Variants in IRF2BP2 observed in about 807,000 individuals in gnomAD.
The protein encoded by IRF2BP2 is interferon regulatory factor 2 binding protein 2.
In IRF2BP2, 13 loss-of-function variants were observed where a neutral mutation model predicts 32.7. That is an observed-to-expected ratio of 0.40 (90% CI 0.26 to 0.63). The LOEUF is 0.63. Ranked by LOEUF, IRF2BP2 falls within the 30% of genes least tolerant of loss-of-function variation. IRF2BP2 has a pLI of 0.42. For synonymous variants in IRF2BP2, 555 were observed against 384.6 expected, an observed-to-expected ratio of 1.44 and a Z score of -5.18; for missense variants, 980 against 830.6, an observed-to-expected ratio of 1.18 and a Z score of -2.21.
Position 234,605,953 on chromosome 1 carries a change from T to C in IRF2BP2, c.*1184A>G, listed in dbSNP as rs539864398. On this transcript the variant is annotated 3_prime_UTR_variant, in exon 2 of 2. Transcript: ENST00000366609. ...TTTTTTCCAGAACAGTATTATTCAC[T>C]TGGTATTTCAAACACATGTTAAGAA... is the stretch of plus-strand genomic sequence containing the variant. 14 of 152,360 alleles carry C rather than the reference T, an allele frequency of 9.2e-5. No individual in the cohort carries two copies. The highest frequency in any genetic ancestry group is 3.4e-4 in the African/African-American group (14 of 41,588). 9.4% of individuals were successfully genotyped at this position (152,360 alleles called of 1,614,324 possible).
chr1:234,608,334 G>C (rs926157637), intron 1 of IRF2BP2, 113 bp downstream of exon 1: 5 of 852,786 alleles, frequency 5.9e-6, no homozygotes, highest in Non-Finnish European at 8.8e-6. Context: ...TCAGGAAGTG[G>C]GGTGTTTGTT....
In IRF2BP2 at chr1:234,607,044, C is replaced by T. The variant is rs564241160; in HGVS notation, c.*93G>A. On this transcript the variant is annotated 3_prime_UTR_variant, in exon 2 of 2. Coordinates refer to ENST00000366609, the MANE Select transcript of IRF2BP2 (RefSeq NM_182972.3). ...CCATGTTTATGAAGTCTACATTTCC[C>T]TTGTCTTGGATATATATATATATGG... 5 of 918,384 alleles carry T rather than the reference C, an allele frequency of 5.4e-6. No individual in the cohort carries two copies. Among genetic ancestry groups the T allele is most frequent in the South Asian group, 3.6e-5 (2 of 55,542 alleles). 56.9% of individuals were successfully genotyped at this position (918,384 alleles called of 1,614,324 possible). A position where few individuals can be genotyped will look rare whatever the true frequency, so the allele number is the denominator to read the frequency against.
At position 234,608,667 on chromosome 1, in the gene IRF2BP2, C is replaced by A. The variant is rs4636; in HGVS notation, c.828G>T (p.Ala276=). 528,724 of 1,521,876 alleles carry A rather than the reference C, an allele frequency of 0.35. 94,643 individuals carry two copies. The highest frequency in any genetic ancestry group is 0.38 in the Middle Eastern group (1,862 of 4,838). 94.3% of individuals were successfully genotyped at this position (1,521,876 alleles called of 1,614,324 possible). The change falls in exon 1 of 2, where the codon GCG becomes GCT. Residue 276 remains alanine, a synonymous_variant. Coordinates refer to ENST00000366609, the MANE Select transcript of IRF2BP2 (RefSeq NM_182972.3). Reference sequence around the variant, plus strand: ...CCGCGCTCAGCTCGGCGGCCCCGGCCGCGGTGGACAGGCTGTCGGCCGGGC... The same window carrying A: ...CCGCGCTCAGCTCGGCGGCCCCGGCAGCGGTGGACAGGCTGTCGGCCGGGC... The part of the protein sequence containing the change: ...HRGPADSLST[A]AGAAELSAEG...
Position 234,606,478 on chromosome 1 carries a change from A to G in IRF2BP2, c.*659T>C, listed in dbSNP as rs1346198523. On this transcript the variant is annotated 3_prime_UTR_variant, in exon 2 of 2. Transcript: ENST00000366609. ...TGTCTTAAAAAAAAAAAAACAAAAA[A>G]CCCCAAAAGACCACACAATCCTGAA... is the stretch of plus-strand genomic sequence containing the variant. 1 of 151,930 alleles carries G rather than the reference A, an allele frequency of 6.6e-6. No homozygotes were observed. The highest frequency in any genetic ancestry group is 2.4e-5 in the African/African-American group (1 of 41,350). 9.4% of individuals were successfully genotyped at this position (151,930 alleles called of 1,614,324 possible). A position where few individuals can be genotyped will look rare whatever the true frequency, so the allele number is the denominator to read the frequency against.
In IRF2BP2 at chr1:234,607,394, G is replaced by A; in HGVS notation, c.1507C>T (p.Pro503Ser). ...LPDSSLATSAPLCCTLCHERL... is the reference protein window; with the variant it reads ...LPDSSLATSASLCCTLCHERL... Reference sequence around the variant, plus strand: ...TCGTGGCAGAGGGTGCAGCACAGCGGGGCACTGGTTGCCAGAGAGGAGTCC... The same window carrying A: ...TCGTGGCAGAGGGTGCAGCACAGCGAGGCACTGGTTGCCAGAGAGGAGTCC... The change falls in exon 2 of 2, where the codon CCG (proline) becomes TCG (serine). Residue 503 changes from proline (P) to serine (S), a missense_variant. By Grantham distance (74) the Pro-to-Ser change is moderately conservative (BLOSUM62 -1). Transcript: ENST00000366609. The A allele has an allele frequency of 1.9e-6, 3 of 1,614,136 alleles. No individual in the cohort carries two copies. Among genetic ancestry groups the A allele is most frequent in the Non-Finnish European group, 2.5e-6 (3 of 1,179,972 alleles).
Position 234,608,967 on chromosome 1 carries a change from C to A in IRF2BP2, c.528G>T (p.Pro176=). 7.4e-7 allele frequency: 1 copy of A among 1,358,690 alleles called. No homozygotes were observed. Among genetic ancestry groups the A allele is most frequent in the Non-Finnish European group, 9.4e-7 (1 of 1,060,088 alleles). The allele number at this position is 1,358,690 out of a possible 1,614,324, so 84.2% of individuals were successfully genotyped here. A position where few individuals can be genotyped will look rare whatever the true frequency, so the allele number is the denominator to read the frequency against. Residue 176 remains proline, a synonymous_variant, in exon 1 of 2, where the codon CCG becomes CCT. Coordinates refer to ENST00000366609, the MANE Select transcript of IRF2BP2 (RefSeq NM_182972.3). ...GCACCGCGTGGCCGCGCCGCGGGTT[C>A]GGGCTCTGGCGATTCAGCTCGGGCG... The part of the protein sequence containing the change: ...EEPPELNRQS[P]NPRRGHAVPP...
chr1:234,607,273 G>A lies in IRF2BP2; in HGVS notation c.1628C>T (p.Ala543Val), dbSNP rs962331038. The A allele has an allele frequency of 6.2e-7, 1 of 1,614,222 alleles. No individual in the cohort carries two copies. The highest frequency in any genetic ancestry group is 8.5e-7 in the Non-Finnish European group (1 of 1,180,038). ...CSRQSIKQQG[A>V]SGEVYCPSGE... ...ACTGGGACAATAGACCTCTCCACTA[G>A]CTCCCTGCTGTTTGATGCTTTGTCT... Residue 543 changes from alanine to valine, a missense_variant, in exon 2 of 2, where the codon GCT becomes GTT. Ala to Val is a moderately conservative substitution (Grantham distance 64, BLOSUM62 0). Coordinates refer to ENST00000366609, the MANE Select transcript of IRF2BP2 (RefSeq NM_182972.3).
At position 234,608,506 on chromosome 1, in the gene IRF2BP2, G is replaced by A. The variant is rs952524471; in HGVS notation, c.989C>T (p.Ala330Val). The A allele has an allele frequency of 9.3e-6, 15 of 1,609,448 alleles. No homozygotes were observed. The highest frequency in any genetic ancestry group is 2.7e-5 in the African/African-American group (2 of 74,744). ...PFESKFKKEP[A>V]LTAGRLLGFE... ...ACCCAACAACCTGCCTGCAGTCAGG[G>A]CCGGCTCCTTCTTAAACTTGCTCTC... Residue 330 changes from alanine to valine, a missense_variant, in exon 1 of 2, where the codon GCC becomes GTC. Coordinates refer to ENST00000366609, the MANE Select transcript of IRF2BP2 (RefSeq NM_182972.3).
In IRF2BP2 at chr1:234,607,027, A is replaced by AT. The variant is rs1347159595; in HGVS notation, c.*109dup. On this transcript the variant is annotated 3_prime_UTR_variant, in exon 2 of 2. Coordinates refer to ENST00000366609, the MANE Select transcript of IRF2BP2 (RefSeq NM_182972.3). ...AAATCAAAATTATACAGCCATGTTT[A>AT]TGAAGTCTACATTTCCCTTGTCTTG... The AT allele has an allele frequency of 3.6e-6, 3 of 826,740 alleles. No homozygotes were observed. The Admixed American group carries it at 7.1e-5, about 20-fold the overall frequency. The allele number at this position is 826,740 out of a possible 1,614,324, so 51.2% of individuals were successfully genotyped here.
rs1479384884 is a variant in IRF2BP2 at position 234,606,527 on chromosome 1, C to A, written c.*610G>T. ...AAAATTTCCCAGCAGCACTCTCAGT[C>A]ATCAGTATCTCAGGAACTGAACTTT... is the stretch of plus-strand genomic sequence containing the variant. On this transcript the variant is annotated 3_prime_UTR_variant, in exon 2 of 2. Coordinates refer to ENST00000366609, the MANE Select transcript of IRF2BP2 (RefSeq NM_182972.3). 1 of 152,002 alleles carries A rather than the reference C, an allele frequency of 6.6e-6. No individual in the cohort carries two copies. The highest frequency in any genetic ancestry group is 6.5e-5 in the Admixed American group (1 of 15,276). The allele number at this position is 152,002 out of a possible 1,614,324, so 9.4% of individuals were successfully genotyped here. A position where few individuals can be genotyped will look rare whatever the true frequency, so the allele number is the denominator to read the frequency against.
Position 234,609,607 on chromosome 1 carries a change from C to A in IRF2BP2, c.-113G>T. The A allele has an allele frequency of 2.0e-6, 1 of 506,630 alleles. No individual in the cohort carries two copies. Among genetic ancestry groups the A allele is most frequent in the South Asian group, 9.5e-5 (1 of 10,548 alleles). 31.4% of individuals were successfully genotyped at this position (506,630 alleles called of 1,614,324 possible). A position where few individuals can be genotyped will look rare whatever the true frequency, so the allele number is the denominator to read the frequency against. On this transcript the variant is annotated 5_prime_UTR_variant, in exon 1 of 2. Transcript: ENST00000366609. ...CCTCCCCCCCCAACCCCGCGTCTCCCCCACCAGCGGCGGCGGCGGCCGCAA... is the reference window on the plus strand; with the variant it reads ...CCTCCCCCCCCAACCCCGCGTCTCCACCACCAGCGGCGGCGGCGGCCGCAA...
In IRF2BP2 at chr1:234,608,984, G is replaced by A. The variant is rs1375726828; in HGVS notation, c.511C>T (p.Leu171=). 1.3e-5 allele frequency: 18 copies of A among 1,352,938 alleles called. No homozygotes were observed. Among genetic ancestry groups the A allele is most frequent in the Non-Finnish European group, 1.6e-5 (17 of 1,057,484 alleles). 83.8% of individuals were successfully genotyped at this position (1,352,938 alleles called of 1,614,324 possible). Residue 171 remains leucine (L), a synonymous_variant, in exon 1 of 2, where the codon CTG becomes TTG. Transcript: ENST00000366609. ...CGCGGGTTCGGGCTCTGGCGATTCA[G>A]CTCGGGCGGCTCCTCTAGCTTGGAG... The part of the protein sequence containing the change: ...GFSKLEEPPE[L]NRQSPNPRRG...
chr1:234,606,377 T>C lies in IRF2BP2; in HGVS notation c.*760A>G, dbSNP rs1004711808. ...TAACCGCCTTCCATCACTGGAATTGTATCTTATGTAACCAACTAGCATGCA... is the reference window on the plus strand; with the variant it reads ...TAACCGCCTTCCATCACTGGAATTGCATCTTATGTAACCAACTAGCATGCA... On this transcript the variant is annotated 3_prime_UTR_variant, in exon 2 of 2. Transcript: ENST00000366609. 2 of 152,064 alleles carry C rather than the reference T, an allele frequency of 1.3e-5. No homozygotes were observed. Among genetic ancestry groups the C allele is most frequent in the African/African-American group, 2.4e-5 (1 of 41,390 alleles). The allele number at this position is 152,064 out of a possible 1,614,324, so 9.4% of individuals were successfully genotyped here.
rs766562916 is a variant in IRF2BP2, at chr1:234,606,427, C to A, written c.*710G>T. Reference sequence around the variant, plus strand: ...AGCATTGTAATCTTACAACTGATCACGTGGACAGTGAACAGCGGTCAACTT... The same window carrying A: ...AGCATTGTAATCTTACAACTGATCAAGTGGACAGTGAACAGCGGTCAACTT... On this transcript the variant is annotated 3_prime_UTR_variant, in exon 2 of 2. Coordinates refer to ENST00000366609, the MANE Select transcript of IRF2BP2 (RefSeq NM_182972.3). The A allele has an allele frequency of 4.6e-5, 7 of 151,320 alleles. No homozygotes were observed. The highest frequency in any genetic ancestry group is 6.6e-5 in the Admixed American group (1 of 15,222). The allele number at this position is 151,320 out of a possible 1,614,324, so 9.4% of individuals were successfully genotyped here.
chr1:234,607,264 T>C lies in IRF2BP2; in HGVS notation c.1637A>G (p.Glu546Gly). 6.2e-7 allele frequency: 1 copy of C among 1,614,202 alleles called. No individual in the cohort carries two copies. Among genetic ancestry groups the C allele is most frequent in the Non-Finnish European group, 8.5e-7 (1 of 1,180,036 alleles). Residue 546 changes from glutamate to glycine, a missense_variant, in exon 2 of 2, where the codon GAG (glutamate) becomes GGG (glycine). Transcript: ENST00000366609. The part of the protein sequence containing the change: ...QSIKQQGASG[E>G]VYCPSGEKCP... ...TTTTTCCCCACTGGGACAATAGACC[T>C]CTCCACTAGCTCCCTGCTGTTTGAT...
rs770470592 is a variant in IRF2BP2, at chr1:234,607,735, A to T, written c.1166T>A (p.Ile389Asn). 1 of 1,613,878 alleles carries T rather than the reference A, an allele frequency of 6.2e-7. No individual in the cohort carries two copies. Among genetic ancestry groups the T allele is most frequent in the African/African-American group, 1.3e-5 (1 of 74,864 alleles). Reference protein sequence around the residue: ...WLSTSTEGLKIPMTPTSSFVS... With the variant: ...WLSTSTEGLKNPMTPTSSFVS... ...AAAAGAGGATGTAGGAGTCATGGGG[A>T]TCTTGAGCCCCTCTGTGGATGTGGA... The change falls in exon 2 of 2, where the codon ATC (isoleucine) becomes AAC (asparagine). Residue 389 changes from isoleucine (I) to asparagine (N), a missense_variant. Ile to Asn is a moderately radical substitution (Grantham distance 149, BLOSUM62 -3). Coordinates refer to ENST00000366609, the MANE Select transcript of IRF2BP2 (RefSeq NM_182972.3).
Position 234,607,630 on chromosome 1 carries a change from G to C in IRF2BP2, c.1271C>G (p.Pro424Arg). Residue 424 changes from proline (P) to arginine (R), a missense_variant, in exon 2 of 2, where the codon CCC becomes CGC. Coordinates refer to ENST00000366609, the MANE Select transcript of IRF2BP2 (RefSeq NM_182972.3). The part of the protein sequence containing the change: ...PPEAAQNGQS[P>R]MAALILVADN... ...TGCTACTAAGATCAGGGCTGCCATG[G>C]GGGACTGGCCATTCTGGGCCGCTTC... 6.2e-7 allele frequency: 1 copy of C among 1,614,230 alleles called. No homozygotes were observed. Among genetic ancestry groups the C allele is most frequent in the Non-Finnish European group, 8.5e-7 (1 of 1,180,018 alleles).
Position 234,608,632 on chromosome 1 carries a change from C to G in IRF2BP2, c.863G>C (p.Gly288Ala), listed in dbSNP as rs777040537. The G allele has an allele frequency of 6.4e-7, 1 of 1,561,610 alleles. No individual in the cohort carries two copies. Among genetic ancestry groups the G allele is most frequent in the Non-Finnish European group, 8.6e-7 (1 of 1,159,176 alleles). ...CTGCTCTCCAGACCCGCGGCTCTTG[C>G]CCGCACCTTCCGCGCTCAGCTCGGC... ...GAAELSAEGA[G>A]KSRGSGEQDW... is the part of the protein sequence containing the mutation. Residue 288 changes from glycine to alanine, a missense_variant, in exon 1 of 2, where the codon GGC becomes GCC. Transcript: ENST00000366609.
rs1672293701 is a variant in IRF2BP2 at position 234,609,729 on chromosome 1, C to T, written c.-235G>A. ...GCGGGCGCGAGGTGAGGGGCTGCAG[C>T]CGCGGCAGCAGTTCCCCCCGGCCGG... On this transcript the variant is annotated 5_prime_UTR_variant, in exon 1 of 2. Coordinates refer to ENST00000366609, the MANE Select transcript of IRF2BP2 (RefSeq NM_182972.3). Among the ~76,000 whole-genome samples, 1 of 144,688 alleles carries T rather than the reference C, an allele frequency of 6.9e-6. No individual in the cohort carries two copies. Among genetic ancestry groups the T allele is most frequent in the Admixed American group, 6.8e-5 (1 of 14,650 alleles). 94.9% of individuals were successfully genotyped at this position (144,688 alleles called of 152,430 possible).
Sources: gnomAD v4.1 joint callset for allele counts (sites outside exome capture counted in the v4.1 genomes callset) on GRCh38, gnomAD v4.1.1 for gene constraint, MANE v1.5 for transcripts, NCBI Gene and HGNC (gene_info 2026-07-23, HGNC 2026-07-21) for gene names.